The following IGSF21 variants were observed in gnomAD, a reference collection of about 807,000 sequenced individuals.
IGSF21 encodes immunoglobin superfamily member 21, also known as immunoglobulin superfamily member 21.
In IGSF21, 28 loss-of-function variants were observed where a neutral mutation model predicts 46.8. The ratio of observed to expected loss-of-function variants is 0.60; its 90% CI spans 0.44 to 0.82. The LOEUF (loss-of-function observed/expected upper bound fraction) is 0.82. Among genes scored for constraint, IGSF21 ranks in the 40% least tolerant of loss-of-function variants. The pLI is 0.00. For missense variants in IGSF21, 624 were observed against 665.5 expected (o/e 0.94, Z 0.69); for synonymous variants, 284 against 273.6 (o/e 1.04, Z -0.38).
intron 2 of IGSF21, among the ~76,000 whole-genome samples, chr1:18,287,159 C>A (rs1341702621): frequency 7.7e-6 from 1 of 129,596 alleles, no homozygotes; most frequent in African/African-American, 2.9e-5. Context: ...CCAGCCTGGG[C>A]GACAGAGCGA....
At chr1:18,359,502 A>AAAGAGAAAGAAAGAAAGAAAG (rs2086077378) in intron 4 of IGSF21, among the ~76,000 whole-genome samples, 1 of 84,050 alleles carries the variant, frequency 1.2e-5, no homozygotes, top group African/African-American at 5.4e-5. Flanking sequence ...GAAGGAAGGA[A>AAAGAGAAAGAAAGAAAGAAAG]GGAAGGAAGG....
chr1:18,124,213 C>T (rs2086257315), intron 1 of IGSF21, among the ~76,000 whole-genome samples: 1 of 152,192 alleles, frequency 6.6e-6, no homozygotes, highest in Non-Finnish European at 1.5e-5. Flanking sequence ...CTCTCTTCTT[C>T]CTGGACCTCC....
At chr1:18,143,281 C>T (rs1297222319) in intron 1 of IGSF21, among the ~76,000 whole-genome samples, 1 of 152,112 alleles carries the variant, frequency 6.6e-6, no homozygotes, top group Admixed American at 6.5e-5. Flanking sequence ...TGTGTGCTAT[C>T]CCCCACCCCC....
intron 2 of IGSF21, among the ~76,000 whole-genome samples, chr1:18,244,833 CT>C (rs1226171844): frequency 6.6e-6 from 1 of 152,102 alleles, no homozygotes; most frequent in African/African-American, 2.4e-5. Context: ...AATACTTCTC[CT>C]CTCAATGCCT....
In IGSF21 at chr1:18,108,086, TCCACCCCCGCCGCCCCGCCACCGCCG is replaced by T; in HGVS notation, c.-39_-14del. 3 of 998,136 alleles carry T rather than the reference TCCACCCCCGCCGCCCCGCCACCGCCG, an allele frequency of 3.0e-6. No homozygotes were observed. The highest frequency in any genetic ancestry group is 2.7e-6 in the Non-Finnish European group (2 of 727,298). The allele number at this position is 998,136 out of a possible 1,614,324, so 61.8% of individuals were successfully genotyped here. A position where few individuals can be genotyped will look rare whatever the true frequency, so the allele number is the denominator to read the frequency against. ...GGCGAGGGGACCCGCCGCCACCGCC[TCCACCCCCGCCGCCCCGCCACCGCCG>T]CCAGCTCCCGGGCACCATGCGAACC... On this transcript the variant is annotated 5_prime_UTR_variant, in exon 1 of 10. Coordinates refer to ENST00000251296, the MANE Select transcript of IGSF21 (RefSeq NM_032880.5).
chr1:18,293,254 A>G (rs2085284439), intron 3 of IGSF21, among the ~76,000 whole-genome samples: 1 of 152,162 alleles, frequency 6.6e-6, no homozygotes. Context: ...AATTTGCAAA[A>G]TGAGTGGACA....
At chr1:18,241,242 T>C (rs1569607676) in intron 2 of IGSF21, among the ~76,000 whole-genome samples, 1 of 152,332 alleles carries the variant, frequency 6.6e-6, no homozygotes, top group South Asian at 2.1e-4. Context: ...ACATCAGTGA[T>C]GCCTTTCCAT....
At chr1:18,320,769 G>A (rs1270935297) in intron 3 of IGSF21, among the ~76,000 whole-genome samples, 3 of 152,186 alleles carry the variant, frequency 2.0e-5, no homozygotes, top group Non-Finnish European at 2.9e-5. Context: ...AGTTAGCTGC[G>A]TGACCTCAGA....
chr1:18,316,294 C>G (rs2085542642), intron 3 of IGSF21, among the ~76,000 whole-genome samples: 1 of 152,218 alleles, frequency 6.6e-6, no homozygotes. Flanking sequence ...CTGCTGAGGC[C>G]AGAGGGAATG....
At chr1:18,227,446 T>C (rs2084579446) in intron 1 of IGSF21, among the ~76,000 whole-genome samples, 1 of 151,872 alleles carries the variant, frequency 6.6e-6, no homozygotes, top group African/African-American at 2.4e-5. Context: ...GTAAATACAT[T>C]TCGGCATTCA....
At chr1:18,354,239 C>T (rs2085990991) in intron 4 of IGSF21, among the ~76,000 whole-genome samples, 1 of 152,132 alleles carries the variant, frequency 6.6e-6, no homozygotes, top group Non-Finnish European at 1.5e-5. Flanking sequence ...CCAGTGTGTG[C>T]AGGGCACAGA....
intron 2 of IGSF21, among the ~76,000 whole-genome samples, chr1:18,250,130 C>A (rs999621619): frequency 1.5e-5 from 2 of 131,432 alleles, no homozygotes; most frequent in African/African-American, 2.9e-5. Context: ...TCCCTCCCTC[C>A]CTCTCCTGCT....
At chr1:18,320,731 A>C (rs1202269147) in intron 3 of IGSF21, among the ~76,000 whole-genome samples, 1 of 152,182 alleles carries the variant, frequency 6.6e-6, no homozygotes. Context: ...GGGCCCCTGG[A>C]CTTGAGTTCC....
intron 1 of IGSF21, among the ~76,000 whole-genome samples, chr1:18,121,516 A>G (rs2086233567): frequency 6.6e-6 from 1 of 151,986 alleles, no homozygotes; most frequent in Non-Finnish European, 1.5e-5. Flanking sequence ...ACGCTTACCC[A>G]TTTGGTGCTT....
chr1:18,316,435 C>T (rs2085543937), intron 3 of IGSF21, among the ~76,000 whole-genome samples: 1 of 152,208 alleles, frequency 6.6e-6, no homozygotes, highest in Non-Finnish European at 1.5e-5. Flanking sequence ...GGGTCCTACT[C>T]CTGCTCAGGG....
chr1:18,204,542 G>C (rs1468813093), intron 1 of IGSF21, among the ~76,000 whole-genome samples: 2 of 152,134 alleles, frequency 1.3e-5, no homozygotes, highest in African/African-American at 2.4e-5. Flanking sequence ...GCTTGAATCT[G>C]TTGGTTTGAC....
chr1:18,215,546 A>C (rs2084435596), intron 1 of IGSF21, among the ~76,000 whole-genome samples: 1 of 152,114 alleles, frequency 6.6e-6, no homozygotes, highest in African/African-American at 2.4e-5. Context: ...CTAAGCTAAG[A>C]CCTGAAGGAC....
chr1:18,278,882 CAGGTAATGGGTAT>C (rs1163675391), intron 2 of IGSF21: 2 of 471,684 alleles, frequency 4.2e-6, no homozygotes, highest in South Asian at 3.1e-5. Context: ...TTGTGGAAGC[CAGGTAATGGGTAT>C]ATGGGTGTTT....
intron 1 of IGSF21, among the ~76,000 whole-genome samples, chr1:18,140,558 C>T (rs2086406525): frequency 6.6e-6 from 1 of 152,214 alleles, no homozygotes; most frequent in Non-Finnish European, 1.5e-5. Flanking sequence ...GAAGCGGGCA[C>T]TCCCACATCG....
Sources: allele counts gnomAD v4.1 joint callset (sites outside exome capture counted in the v4.1 genomes callset), GRCh38; gene constraint gnomAD v4.1.1; transcripts MANE v1.5; gene names NCBI Gene and HGNC (gene_info 2026-07-23, HGNC 2026-07-21).